IMMP2L: variants seen among roughly 807,000 people sequenced by gnomAD.
IMMP2L encodes mitochondrial inner membrane protease subunit 2.
A neutral mutation model predicts 19.3 loss-of-function variants in IMMP2L; 18 were observed. The ratio of observed to expected loss-of-function variants is 0.93; its 90% CI spans 0.64 to 1.38. The LOEUF is 1.38. Ranked by LOEUF, IMMP2L falls within the 40% of genes most tolerant of loss-of-function variation. The probability of loss-of-function intolerance (pLI) is 0.00; values close to 1 mark genes in which losing one functional copy is unlikely to be tolerated. For synonymous variants in IMMP2L, 76 were observed against 73.0 expected (o/e 1.04, Z -0.21); for missense variants, 233 against 218.2 (o/e 1.07, Z -0.43).
At chr7:110,936,632 G>C (rs1563094278) in intron 4 of IMMP2L, among the ~76,000 whole-genome samples, 1 of 152,188 alleles carries the variant, frequency 6.6e-6, no homozygotes, top group South Asian at 2.1e-4. Flanking sequence ...CATTGTGGAA[G>C]ACAGTGTGGT....
chr7:111,165,916 T>G (rs1323525322), intron 3 of IMMP2L, among the ~76,000 whole-genome samples: 1 of 152,076 alleles, frequency 6.6e-6, no homozygotes, highest in Non-Finnish European at 1.5e-5. Context: ...TAATGATTGC[T>G]CTCAGCCAAT....
chr7:111,323,465 G>A (rs1824966411), intron 3 of IMMP2L, among the ~76,000 whole-genome samples: 1 of 152,078 alleles, frequency 6.6e-6, no homozygotes, highest in Non-Finnish European at 1.5e-5. Flanking sequence ...CAGTTAGAAT[G>A]ACAATCATTA....
Position 110,837,526 on chromosome 7 carries a change from G to A in IMMP2L, c.408+49067C>T, listed in dbSNP as rs534142485. On this transcript the variant is annotated intron_variant, in intron 5 of 5. Transcript: ENST00000405709. ...TAACACTTGCTACACAAAGACATGA[G>A]GCTGAAGGAGGGAAGATGAAGTTAT... Among the ~76,000 whole-genome samples, 5 of 152,154 alleles carry A rather than the reference G, an allele frequency of 3.3e-5. No homozygotes were observed. The East Asian group carries it at 7.7e-4, about 24-fold the overall frequency.
At chr7:111,460,819 C>A (rs1840072996) in intron 3 of IMMP2L, among the ~76,000 whole-genome samples, 1 of 151,914 alleles carries the variant, frequency 6.6e-6, no homozygotes, top group South Asian at 2.1e-4. Flanking sequence ...AAAATATGGA[C>A]TATATTGAAC....
chr7:111,210,068 A>C (rs927886495), intron 3 of IMMP2L, among the ~76,000 whole-genome samples: 4 of 152,136 alleles, frequency 2.6e-5, no homozygotes, highest in Non-Finnish European at 5.9e-5. Flanking sequence ...TTTGCTTCAG[A>C]GTAGCTCCTT....
intron 3 of IMMP2L, among the ~76,000 whole-genome samples, chr7:111,410,158 G>A (rs1346393672): frequency 1.3e-5 from 2 of 151,706 alleles, no homozygotes; most frequent in South Asian, 2.1e-4. Flanking sequence ...TCAATTTCAG[G>A]GGAGTTATAA....
At chr7:111,455,393 C>T (rs1047348093) in intron 3 of IMMP2L, among the ~76,000 whole-genome samples, 1 of 151,956 alleles carries the variant, frequency 6.6e-6, no homozygotes, top group African/African-American at 2.4e-5. Context: ...TTTAACCTTT[C>T]TTTAAAAGTA....
intron 3 of IMMP2L, among the ~76,000 whole-genome samples, chr7:110,992,666 C>T (rs1585633911): frequency 6.6e-6 from 1 of 151,548 alleles, no homozygotes; most frequent in Admixed American, 6.6e-5. Flanking sequence ...TCATAATATA[C>T]AAAACATTCA....
intron 1 of IMMP2L, among the ~76,000 whole-genome samples, chr7:111,526,576 C>G (rs1846881585): frequency 6.6e-6 from 1 of 152,052 alleles, no homozygotes; most frequent in Non-Finnish European, 1.5e-5. Context: ...ATGAACAAAC[C>G]ACACTCTCAC....
chr7:111,136,617 T>C (rs898438599), intron 3 of IMMP2L, among the ~76,000 whole-genome samples: 4 of 152,156 alleles, frequency 2.6e-5, no homozygotes, highest in African/African-American at 9.7e-5. Context: ...GTACCAGAAA[T>C]TGGATGCAGT....
At chr7:111,153,388 A>G (rs1197121491) in intron 3 of IMMP2L, among the ~76,000 whole-genome samples, 1 of 152,124 alleles carries the variant, frequency 6.6e-6, no homozygotes, top group African/African-American at 2.4e-5. Flanking sequence ...AGTTTGTCTT[A>G]CAACATAATC....
chr7:111,050,749 T>A (rs1188096922), intron 3 of IMMP2L, among the ~76,000 whole-genome samples: 1 of 152,236 alleles, frequency 6.6e-6, no homozygotes, highest in African/African-American at 2.4e-5. Flanking sequence ...CATTTGTGCC[T>A]AATACATACC....
chr7:110,744,161 A>G (rs1273802504), intron 5 of IMMP2L, among the ~76,000 whole-genome samples: 3 of 152,116 alleles, frequency 2.0e-5, no homozygotes, highest in African/African-American at 7.2e-5. Context: ...AACTGGGTGG[A>G]GCCCACCCCA....
intron 3 of IMMP2L, among the ~76,000 whole-genome samples, chr7:111,379,969 T>C (rs1222225963): frequency 3.3e-5 from 5 of 151,944 alleles, no homozygotes; most frequent in Admixed American, 3.3e-4. Context: ...TTCAGTATTA[T>C]GAACTATCTA....
intron 4 of IMMP2L, among the ~76,000 whole-genome samples, chr7:110,923,065 A>G (rs1388329910): frequency 6.6e-6 from 1 of 152,094 alleles, no homozygotes; most frequent in Non-Finnish European, 1.5e-5. Context: ...CCCCAGGCAT[A>G]AGCAAACACA....
chr7:111,226,627 T>A (rs1813136189), intron 3 of IMMP2L, among the ~76,000 whole-genome samples: 1 of 152,070 alleles, frequency 6.6e-6, no homozygotes. Flanking sequence ...ACTACCACAG[T>A]AATGGGGGAG....
At chr7:111,153,685 C>T (rs868651316) in intron 3 of IMMP2L, among the ~76,000 whole-genome samples, 3 of 151,800 alleles carry the variant, frequency 2.0e-5, no homozygotes, top group South Asian at 4.2e-4. Flanking sequence ...ATATACAACA[C>T]AGGAAAAAAG....
intron 5 of IMMP2L, among the ~76,000 whole-genome samples, chr7:110,723,529 A>AT (rs11385577): frequency 1 from 152,223 of 152,244 alleles, 76,101 homozygotes; most frequent in Middle Eastern, 1. Flanking sequence ...TTTAGGCTTG[A>AT]TTTTTTTAAT....
intron 3 of IMMP2L, among the ~76,000 whole-genome samples, chr7:111,286,753 C>A (rs1243785526): frequency 6.6e-6 from 1 of 152,096 alleles, no homozygotes; most frequent in Admixed American, 6.6e-5. Context: ...GTGGAGAGTA[C>A]CCCACTCCTA....
Sources: gnomAD v4.1 joint callset for allele counts (sites outside exome capture counted in the v4.1 genomes callset) on GRCh38, gnomAD v4.1.1 for gene constraint, MANE v1.5 for transcripts, NCBI Gene and HGNC (gene_info 2026-07-23, HGNC 2026-07-21) for gene names.